Variants in ZSWIM5 observed in about 807,000 individuals in gnomAD.
The protein encoded by ZSWIM5 is zinc finger SWIM domain-containing protein 5.
In ZSWIM5, 55 loss-of-function variants were observed where a neutral mutation model predicts 119.6. The observed-to-expected ratio is 0.46, with a 90% confidence interval of 0.37 to 0.58. ZSWIM5 has a LOEUF of 0.58. ZSWIM5 is among the 20% of genes least tolerant of loss of function. The pLI is 0.00. For synonymous variants in ZSWIM5, 537 were observed against 606.9 expected (o/e 0.88, Z 1.69); for missense variants, 1,193 against 1,512.8 (o/e 0.79, Z 3.51).
intron 1 of ZSWIM5, among the ~76,000 whole-genome samples, chr1:45,183,940 C>A (rs1276065359): frequency 1.3e-5 from 2 of 152,100 alleles, no homozygotes; most frequent in African/African-American, 2.4e-5. Context: ...GGCAGAGACA[C>A]AACCAAAAAA....
chr1:45,188,273 TA>T (rs1300783394), intron 1 of ZSWIM5, among the ~76,000 whole-genome samples: 1 of 152,220 alleles, frequency 6.6e-6, no homozygotes, highest in Non-Finnish European at 1.5e-5. Context: ...TAAAAAGGAA[TA>T]AAGTACAGAT....
At chr1:45,165,187 G>A (rs1393754687) in intron 1 of ZSWIM5, among the ~76,000 whole-genome samples, 2 of 152,130 alleles carry the variant, frequency 1.3e-5, no homozygotes, top group Admixed American at 6.6e-5. Context: ...CGAGTACATG[G>A]AAACTAAACA....
chr1:45,056,137 C>T (rs1021932298), intron 4 of ZSWIM5, among the ~76,000 whole-genome samples: 1 of 152,082 alleles, frequency 6.6e-6, no homozygotes, highest in Non-Finnish European at 1.5e-5. Flanking sequence ...GGAAACCCAA[C>T]TGGAGTGGGC....
At chr1:45,099,214 G>T (rs61788389) in intron 1 of ZSWIM5, among the ~76,000 whole-genome samples, 11,019 of 152,120 alleles carry the variant, frequency 0.072, 491 homozygotes, top group Non-Finnish European at 0.1. Flanking sequence ...TGATAAAAGG[G>T]ATATTACCAC....
chr1:45,139,728 AG>A (rs759288524), intron 1 of ZSWIM5, among the ~76,000 whole-genome samples: 6 of 106,692 alleles, frequency 5.6e-5, no homozygotes, highest in Non-Finnish European at 9.1e-5. Context: ...TGGTAGAGAC[AG>A]GGTCTTGCTT....
intron 1 of ZSWIM5, among the ~76,000 whole-genome samples, chr1:45,142,658 A>G (rs1570145156): frequency 6.6e-6 from 1 of 152,182 alleles, no homozygotes; most frequent in African/African-American, 2.4e-5. Flanking sequence ...GAAATTGAAT[A>G]GGTGGCCAAA....
chr1:45,153,291 G>A (rs1243111160), intron 1 of ZSWIM5, among the ~76,000 whole-genome samples: 2 of 151,828 alleles, frequency 1.3e-5, no homozygotes, highest in African/African-American at 4.8e-5. Flanking sequence ...GGAGGCCGAG[G>A]TGGGCAGATT....
chr1:45,020,246 T>C (rs1644878763), intron 12 of ZSWIM5, 99 bp from the exon 13 acceptor site: 2 of 958,818 alleles, frequency 2.1e-6, no homozygotes, highest in African/African-American at 3.2e-5. Flanking sequence ...TCTGGTGCTT[T>C]AAACAGTGGT....
intron 1 of ZSWIM5, among the ~76,000 whole-genome samples, chr1:45,111,602 G>C (rs781092878): frequency 6.6e-6 from 1 of 152,224 alleles, no homozygotes; most frequent in Non-Finnish European, 1.5e-5. Context: ...AGGCTCTAGG[G>C]GAAAATCTGT....
intron 10 of ZSWIM5, among the ~76,000 whole-genome samples, chr1:45,035,210 T>C (rs1644975685): frequency 6.6e-6 from 1 of 152,102 alleles, no homozygotes; most frequent in Non-Finnish European, 1.5e-5. Flanking sequence ...ATCCCAGAGG[T>C]TTAACTGCCT....
chr1:45,033,105 C>T (rs1644962606), intron 11 of ZSWIM5, among the ~76,000 whole-genome samples: 1 of 152,148 alleles, frequency 6.6e-6, no homozygotes, highest in South Asian at 2.1e-4. Context: ...ACTTGACACT[C>T]CTCACATGAA....
intron 1 of ZSWIM5, among the ~76,000 whole-genome samples, chr1:45,174,825 A>G (rs927849884): frequency 6.6e-6 from 1 of 152,144 alleles, no homozygotes; most frequent in African/African-American, 2.4e-5. Context: ...TACAGTTCAA[A>G]TAATTTTTAA....
chr1:45,122,978 C>T (rs1645602122), intron 1 of ZSWIM5, among the ~76,000 whole-genome samples: 1 of 152,032 alleles, frequency 6.6e-6, no homozygotes, highest in South Asian at 2.1e-4. Context: ...AGGCCACCAC[C>T]CTTCCACCTC....
At position 45,206,514 on chromosome 1, in the gene ZSWIM5, G is replaced by C; in HGVS notation, c.-164C>G. 1 of 1,079,986 alleles carries C rather than the reference G, an allele frequency of 9.3e-7. No homozygotes were observed. The highest frequency in any genetic ancestry group is 1.1e-6 in the Non-Finnish European group (1 of 893,032). 66.9% of individuals were successfully genotyped at this position (1,079,986 alleles called of 1,614,324 possible). ...CGGCCCGAGTGGGGAACCGCGGCCGGGCCCGGGAGCGCGCCGCGAGGGCAG... is the reference window on the plus strand; with the variant it reads ...CGGCCCGAGTGGGGAACCGCGGCCGCGCCCGGGAGCGCGCCGCGAGGGCAG... On this transcript the variant is annotated 5_prime_UTR_variant, in exon 1 of 14. Coordinates refer to ENST00000359600, the MANE Select transcript of ZSWIM5 (RefSeq NM_020883.2).
At chr1:45,130,716 A>G (rs933992402) in intron 1 of ZSWIM5, among the ~76,000 whole-genome samples, 1 of 152,216 alleles carries the variant, frequency 6.6e-6, no homozygotes, top group African/African-American at 2.4e-5. Context: ...CAACTAACAA[A>G]TGACTTAGCA....
intron 1 of ZSWIM5, among the ~76,000 whole-genome samples, chr1:45,186,938 T>C (rs982878692): frequency 6.6e-6 from 1 of 152,144 alleles, no homozygotes; most frequent in African/African-American, 2.4e-5. Context: ...CTGTAAAATA[T>C]TAAATATGTG....
intron 1 of ZSWIM5, among the ~76,000 whole-genome samples, chr1:45,165,933 T>C (rs533626956): frequency 2.6e-5 from 4 of 151,622 alleles, no homozygotes; most frequent in South Asian, 2.1e-4. Flanking sequence ...TTCCAATCAA[T>C]AGAAAAAGAG....
chr1:45,053,439 T>G (rs1645101418), intron 4 of ZSWIM5, among the ~76,000 whole-genome samples: 2 of 151,468 alleles, frequency 1.3e-5, no homozygotes, highest in South Asian at 4.2e-4. Context: ...CCTGGAGGAG[T>G]TCCAATTTCC....
At chr1:45,160,402 T>A (rs1388577582) in intron 1 of ZSWIM5, among the ~76,000 whole-genome samples, 1 of 152,186 alleles carries the variant, frequency 6.6e-6, no homozygotes, top group African/African-American at 2.4e-5. Context: ...TTATTTCTTC[T>A]ATCATCAACC....
Sources: allele counts gnomAD v4.1 joint callset (sites outside exome capture counted in the v4.1 genomes callset), GRCh38; gene constraint gnomAD v4.1.1; transcripts MANE v1.5; gene names NCBI Gene and HGNC (gene_info 2026-07-23, HGNC 2026-07-21).